EXT2: variants seen among roughly 807,000 people sequenced by gnomAD.
EXT2 encodes exostosin-2.
A neutral mutation model predicts 81.6 loss-of-function variants in EXT2; 53 were observed. The ratio of observed to expected loss-of-function variants is 0.65; its 90% CI spans 0.52 to 0.82. The LOEUF (loss-of-function observed/expected upper bound fraction) is 0.82, where lower values mean the gene tolerates loss of function less well. EXT2 is among the 40% of genes least tolerant of loss of function. The pLI is 0.00. For missense variants in EXT2, 774 were observed against 910.2 expected, an observed-to-expected ratio of 0.85 and a Z score of 1.93; for synonymous variants, 320 against 340.0, an observed-to-expected ratio of 0.94 and a Z score of 0.65.
intron 7 of EXT2, among the ~76,000 whole-genome samples, chr11:44,158,597 AAATT>A (rs1346569118): frequency 1.3e-5 from 2 of 150,724 alleles, no homozygotes; most frequent in Admixed American, 1.3e-4. Flanking sequence ...TTTTTATTAA[AAATT>A]AATAAATTGA....
chr11:44,145,774 T>C (rs1590592645), intron 7 of EXT2, among the ~76,000 whole-genome samples: 1 of 152,240 alleles, frequency 6.6e-6, no homozygotes, highest in African/African-American at 2.4e-5. Context: ...AGCTCTCTTT[T>C]GTCCTTGTTT....
intron 9 of EXT2, among the ~76,000 whole-genome samples, chr11:44,198,307 T>C (rs1222175959): frequency 1.3e-5 from 2 of 152,126 alleles, no homozygotes; most frequent in African/African-American, 2.4e-5. Flanking sequence ...TCTCAGCTGA[T>C]TTGTTTACAT....
Position 44,126,842 on chromosome 11 carries a change from T to G in EXT2, c.966T>G (p.Arg322=). The part of the protein sequence containing the change: ...LQEATFCVVL[R]GARLGQAVLS... ...AGGCTACTTTCTGTGTGGTTCTTCG[T>G]GGAGCTCGGCTGGGCCAGGCAGTAT... Residue 322 remains arginine, a synonymous_variant, in exon 6 of 14, where the codon CGT becomes CGG. Coordinates refer to ENST00000533608, the MANE Select transcript of EXT2 (RefSeq NM_207122.2). 6.2e-7 allele frequency: 1 copy of G among 1,614,236 alleles called. No individual in the cohort carries two copies. The highest frequency in any genetic ancestry group is 8.5e-7 in the Non-Finnish European group (1 of 1,180,048).
intron 4 of EXT2, among the ~76,000 whole-genome samples, chr11:44,119,169 T>TATATATATATATATATATATATATATAC (rs1192115471): frequency 3.3e-4 from 21 of 63,110 alleles, no homozygotes; most frequent in Non-Finnish European, 4.4e-4. Flanking sequence ...TATATATATA[T>TATATATATATATATATATATATATATAC]ACACATACAC....
chr11:44,238,673 T>C (rs1955999148), intron 13 of EXT2, among the ~76,000 whole-genome samples: 2 of 152,200 alleles, frequency 1.3e-5, no homozygotes, highest in Admixed American at 1.3e-4. Context: ...GCTAGGTTCA[T>C]TGTTAAGAAT....
chr11:44,151,250 G>T (rs1954788050), intron 7 of EXT2, among the ~76,000 whole-genome samples: 1 of 152,126 alleles, frequency 6.6e-6, no homozygotes, highest in African/African-American at 2.4e-5. Flanking sequence ...ATTATCACAT[G>T]AAGTCCATAA....
chr11:44,096,261 C>T (rs2134932849), intron 1 of EXT2: 1 of 1,536,018 alleles, frequency 6.5e-7, no homozygotes, highest in South Asian at 1.2e-5. Context: ...GGATGTCCTG[C>T]GCCTCAGGGT....
intron 4 of EXT2, among the ~76,000 whole-genome samples, chr11:44,123,784 T>C (rs1954353150): frequency 6.6e-6 from 1 of 152,188 alleles, no homozygotes; most frequent in Non-Finnish European, 1.5e-5. Context: ...CTCTGTCTTG[T>C]TTGAGTCTTG....
rs550896667 is a variant in EXT2, at chr11:44,184,752, AAAT to A, written c.1305+13029_1305+13031del. 6.6e-4 allele frequency among the ~76,000 whole-genome samples: 100 copies of A among 151,914 alleles called. 1 individual carries two copies. Among genetic ancestry groups the A allele is most frequent in the African/African-American group, 2.1e-3 (89 of 41,472 alleles). ...GGCGACAGAGCAAGACTCCGTCTCAAAATAATAATAATAATAATAATTACATTC... is the reference window on the plus strand; with the variant it reads ...GGCGACAGAGCAAGACTCCGTCTCAAAATAATAATAATAATAATTACATTC... On this transcript the variant is annotated intron_variant, in intron 8 of 13. Transcript: ENST00000533608.
At chr11:44,224,398 A>T (rs1165587853) in intron 10 of EXT2, among the ~76,000 whole-genome samples, 1 of 152,010 alleles carries the variant, frequency 6.6e-6, no homozygotes, top group African/African-American at 2.4e-5. Flanking sequence ...CATATATTAG[A>T]TATATGTGTT....
At chr11:44,241,767 C>T (rs1184397836) in intron 13 of EXT2, among the ~76,000 whole-genome samples, 2 of 152,172 alleles carry the variant, frequency 1.3e-5, no homozygotes, top group East Asian at 3.9e-4. Context: ...GTAGCTGGAC[C>T]CCTGACAACA....
chr11:44,163,065 A>T (rs191873276), intron 7 of EXT2, among the ~76,000 whole-genome samples: 1 of 152,306 alleles, frequency 6.6e-6, no homozygotes, highest in African/African-American at 2.4e-5. Context: ...CCCCAAGTTA[A>T]AGGGATATCA....
intron 7 of EXT2, among the ~76,000 whole-genome samples, chr11:44,145,352 A>C (rs149306156): frequency 1.3e-5 from 2 of 152,302 alleles, no homozygotes; most frequent in East Asian, 3.9e-4. Context: ...ATTCAAATAG[A>C]ATATTATTGA....
chr11:44,123,848 CT>C (rs572978674), intron 4 of EXT2, among the ~76,000 whole-genome samples: 133 of 151,722 alleles, frequency 8.8e-4, no homozygotes, highest in African/African-American at 3.2e-3. Flanking sequence ...TTCCCCTTGA[CT>C]TCAGACTTAC....
In EXT2 at chr11:44,156,777, G is replaced by A. The variant is rs115932804; in HGVS notation, c.1174-14834G>A. ...GTTTTCCTGAATGTTCTTGATGCTT[G>A]TGGATGTTTGTCAATGTCTAGGCAT... On this transcript the variant is annotated intron_variant, in intron 7 of 13. Coordinates refer to ENST00000533608, the MANE Select transcript of EXT2 (RefSeq NM_207122.2). Among the ~76,000 whole-genome samples the A allele has an allele frequency of 5.1e-3, 773 of 152,302 alleles. 7 individuals carry two copies. The highest frequency in any genetic ancestry group is 0.018 in the African/African-American group (728 of 41,556).
At chr11:44,216,411 CAG>C (rs1955720174) in intron 10 of EXT2, among the ~76,000 whole-genome samples, 2 of 152,136 alleles carry the variant, frequency 1.3e-5, no homozygotes, top group South Asian at 2.1e-4. Context: ...TTGCGGAACA[CAG>C]AGAGATTGCA....
In EXT2 at chr11:44,215,865, ATTTTTTT is replaced by A. The variant is rs34411687; in HGVS notation, c.1662+8922_1662+8928del. 1.9e-4 allele frequency among the ~76,000 whole-genome samples: 24 copies of A among 127,836 alleles called. 1 individual carries two copies. The highest frequency in any genetic ancestry group is 4.7e-4 in the East Asian group (2 of 4,250). The allele number at this position is 127,836 out of a possible 152,430, so 83.9% of individuals were successfully genotyped here. ...AGAGAGAGGAGTCTTCCATTTGGGA[ATTTTTTT>A]TTTTTTTTTTTTTTTGAGACGGAGT... is the stretch of plus-strand genomic sequence containing the variant. On this transcript the variant is annotated intron_variant, in intron 10 of 13. Coordinates refer to ENST00000533608, the MANE Select transcript of EXT2 (RefSeq NM_207122.2).
intron 7 of EXT2, among the ~76,000 whole-genome samples, chr11:44,143,237 C>A (rs1242270427): frequency 6.6e-6 from 1 of 152,228 alleles, no homozygotes; most frequent in African/African-American, 2.4e-5. Context: ...CAGGCATGAG[C>A]CATCACACCT....
chr11:44,115,088 C>A (rs78050533), intron 4 of EXT2, among the ~76,000 whole-genome samples: 1 of 152,180 alleles, frequency 6.6e-6, no homozygotes, highest in Non-Finnish European at 1.5e-5. Context: ...CCCATAGCAG[C>A]CTGCACGTCT....
Sources: allele counts gnomAD v4.1 joint callset (sites outside exome capture counted in the v4.1 genomes callset), GRCh38; gene constraint gnomAD v4.1.1; transcripts MANE v1.5; gene names NCBI Gene and HGNC (gene_info 2026-07-23, HGNC 2026-07-21).